SCTR: variants seen among roughly 807,000 people sequenced by gnomAD.
SCTR encodes pancreatic secretin receptor.
A neutral mutation model predicts 60.8 loss-of-function variants in SCTR; 56 were observed. The ratio of observed to expected loss-of-function variants is 0.92; its 90% CI spans 0.74 to 1.15. The LOEUF is 1.15. SCTR is among the 50% of genes most tolerant of loss of function. The pLI is 0.00. For missense variants in SCTR, 562 were observed against 550.4 expected (o/e 1.02, Z -0.21); for synonymous variants, 202 against 217.0 (o/e 0.93, Z 0.61).
At chr2:119,454,948 T>G (rs1030089397) in intron 7 of SCTR, among the ~76,000 whole-genome samples, 5 of 152,206 alleles carry the variant, frequency 3.3e-5, no homozygotes, top group African/African-American at 1.2e-4. Flanking sequence ...TTGAACAGAA[T>G]AGATTGTTGA....
chr2:119,485,610 G>A (rs1214118462), intron 2 of SCTR, among the ~76,000 whole-genome samples: 1 of 152,248 alleles, frequency 6.6e-6, no homozygotes, highest in East Asian at 1.9e-4. Context: ...CGGCCCCCGG[G>A]GCCATGCTGA....
intron 1 of SCTR, among the ~76,000 whole-genome samples, chr2:119,514,666 G>C (rs942005758): frequency 6.6e-6 from 1 of 151,950 alleles, no homozygotes; most frequent in African/African-American, 2.4e-5. Flanking sequence ...ACCTGAGGTC[G>C]GGAGTTTGAG....
At chr2:119,502,228 A>T (rs192479210) in intron 1 of SCTR, among the ~76,000 whole-genome samples, 1 of 152,182 alleles carries the variant, frequency 6.6e-6, no homozygotes, top group East Asian at 1.9e-4. Flanking sequence ...CTCCAGACTC[A>T]GAGACAGAGT....
chr2:119,478,782 C>T (rs1444690883), intron 3 of SCTR, 29 bp downstream of exon 3: 1 of 1,611,360 alleles, frequency 6.2e-7, no homozygotes, highest in Non-Finnish European at 8.5e-7. Context: ...CTCAGCCTGT[C>T]CGCCAGGCCC....
intron 2 of SCTR, chr2:119,479,276 A>G: frequency 2.0e-6 from 2 of 1,020,242 alleles, no homozygotes; most frequent in Non-Finnish European, 2.3e-6. Context: ...TAAACAACTA[A>G]GCAGCAATGG....
At chr2:119,453,163 C>T in intron 8 of SCTR, 124 bp downstream of exon 8, 1 of 740,744 alleles carries the variant, frequency 1.3e-6, no homozygotes, top group Middle Eastern at 2.4e-4. Context: ...GTCCAGGGAA[C>T]TCATCTGTGG....
At chr2:119,517,896 G>T (rs931625800) in intron 1 of SCTR, among the ~76,000 whole-genome samples, 1 of 152,156 alleles carries the variant, frequency 6.6e-6, no homozygotes, top group African/African-American at 2.4e-5. Flanking sequence ...TACCCCCAGG[G>T]TGGCTGTATT....
At chr2:119,515,824 C>T (rs1182579941) in intron 1 of SCTR, among the ~76,000 whole-genome samples, 1 of 152,196 alleles carries the variant, frequency 6.6e-6, no homozygotes, top group Non-Finnish European at 1.5e-5. Context: ...GCACTGCATG[C>T]CTCTAAGATG....
chr2:119,454,746 C>T (rs539207465), intron 7 of SCTR, among the ~76,000 whole-genome samples: 2 of 151,514 alleles, frequency 1.3e-5, no homozygotes, highest in Admixed American at 6.6e-5. Context: ...CCCAGCTACT[C>T]GGGAGGCTGA....
chr2:119,521,958 G>A (rs1334307288), intron 1 of SCTR, among the ~76,000 whole-genome samples: 1 of 152,130 alleles, frequency 6.6e-6, no homozygotes, highest in East Asian at 1.9e-4. Flanking sequence ...TTATACACAG[G>A]AAACCATCTT....
chr2:119,498,171 A>C (rs528079176), intron 1 of SCTR, among the ~76,000 whole-genome samples: 10 of 152,346 alleles, frequency 6.6e-5, no homozygotes, highest in African/African-American at 2.4e-4. Flanking sequence ...AACAGTTAAG[A>C]TGACAACTGG....
At chr2:119,443,291 C>T (rs529626221) in intron 11 of SCTR, among the ~76,000 whole-genome samples, 84 of 152,232 alleles carry the variant, frequency 5.5e-4, no homozygotes, top group African/African-American at 1.9e-3. Context: ...AAGAAATGCT[C>T]ATGATGGGCA....
At chr2:119,516,026 T>C (rs2587657) in intron 1 of SCTR, among the ~76,000 whole-genome samples, 8,234 of 152,188 alleles carry the variant, frequency 0.054, 344 homozygotes, top group African/African-American at 0.1. Flanking sequence ...CAATGAGCCA[T>C]CATCTCACAC....
chr2:119,499,465 G>T (rs755045798), intron 1 of SCTR, among the ~76,000 whole-genome samples: 3 of 151,858 alleles, frequency 2.0e-5, no homozygotes, highest in Non-Finnish European at 4.4e-5. Flanking sequence ...CATGTTGTGG[G>T]CCATAAAACA....
At chr2:119,492,679 A>G (rs1246269257) in intron 2 of SCTR, among the ~76,000 whole-genome samples, 1 of 152,082 alleles carries the variant, frequency 6.6e-6, no homozygotes. Flanking sequence ...ACCAATTCCA[A>G]AAGGAAACCT....
At chr2:119,469,212 C>T (rs530622473) in intron 4 of SCTR, among the ~76,000 whole-genome samples, 14 of 152,142 alleles carry the variant, frequency 9.2e-5, no homozygotes, top group Non-Finnish European at 2.1e-4. Context: ...AACATATAAT[C>T]TCGCCATGTA....
intron 4 of SCTR, among the ~76,000 whole-genome samples, chr2:119,470,903 G>T (rs569160577): frequency 1.2e-4 from 18 of 152,308 alleles, no homozygotes; most frequent in African/African-American, 4.3e-4. Flanking sequence ...GTTTCGCCAT[G>T]TTGGCCAAGC....
chr2:119,517,790 A>C (rs1679161624), intron 1 of SCTR, among the ~76,000 whole-genome samples: 1 of 152,138 alleles, frequency 6.6e-6, no homozygotes, highest in Non-Finnish European at 1.5e-5. Context: ...TAGGGGTAGG[A>C]GTAGGGACAG....
intron 12 of SCTR, among the ~76,000 whole-genome samples, chr2:119,440,695 T>G (rs113682593): frequency 2.2e-3 from 332 of 152,200 alleles, no homozygotes; most frequent in African/African-American, 7.7e-3. Context: ...AAGGTGTGGG[T>G]AGGGCAAGGC....
Sources: gnomAD v4.1 joint callset for allele counts (sites outside exome capture counted in the v4.1 genomes callset) on GRCh38, gnomAD v4.1.1 for gene constraint, MANE v1.5 for transcripts, NCBI Gene and HGNC (gene_info 2026-07-23, HGNC 2026-07-21) for gene names.